The following CSMD1 variants were observed in gnomAD, a reference collection of about 807,000 sequenced individuals.
CSMD1 encodes CUB and sushi domain-containing protein 1.
A neutral mutation model predicts 417.5 loss-of-function variants in CSMD1; 213 were observed. The observed-to-expected ratio is 0.51, with a 90% CI of 0.46 to 0.57. The LOEUF (loss-of-function observed/expected upper bound fraction) is 0.57. CSMD1 is among the 20% of genes least tolerant of loss of function. The pLI, the probability that CSMD1 is intolerant of heterozygous loss-of-function variation, is 0.00. For synonymous variants in CSMD1, 2,862 were observed against 1,736.8 expected, an observed-to-expected ratio of 1.65 and a Z score of -16.11; for missense variants, 6,923 against 4,529.7, an observed-to-expected ratio of 1.53 and a Z score of -15.17.
chr8:4,097,219 G>C (rs1047359025), intron 3 of CSMD1, among the ~76,000 whole-genome samples: 3 of 152,144 alleles, frequency 2.0e-5, no homozygotes, highest in African/African-American at 7.2e-5. Flanking sequence ...TAGCTTGGAA[G>C]GAGATAAGTC....
intron 5 of CSMD1, among the ~76,000 whole-genome samples, chr8:3,987,249 C>T (rs887220309): frequency 6.6e-6 from 1 of 152,216 alleles, no homozygotes; most frequent in Admixed American, 6.5e-5. Flanking sequence ...GCTTCCCATG[C>T]TCAAAGGCTA....
At chr8:4,468,174 C>G (rs919143600) in intron 2 of CSMD1, among the ~76,000 whole-genome samples, 1 of 152,158 alleles carries the variant, frequency 6.6e-6, no homozygotes. Context: ...GCTCTAACAG[C>G]ACTTGTCACG....
At chr8:2,997,560 AG>A (rs1226539495) in intron 54 of CSMD1, among the ~76,000 whole-genome samples, 2 of 152,254 alleles carry the variant, frequency 1.3e-5, no homozygotes, top group Non-Finnish European at 2.9e-5. Flanking sequence ...AATGCAAAAA[AG>A]AACACAATTT....
intron 5 of CSMD1, among the ~76,000 whole-genome samples, chr8:3,856,119 G>A (rs1482310235): frequency 2.6e-5 from 4 of 152,060 alleles, no homozygotes; most frequent in Non-Finnish European, 4.4e-5. Flanking sequence ...TCCCAGTGCT[G>A]GAGACGGGGC....
At chr8:3,286,870 T>G (rs1330394346) in intron 25 of CSMD1, among the ~76,000 whole-genome samples, 3 of 152,206 alleles carry the variant, frequency 2.0e-5, no homozygotes, top group Non-Finnish European at 2.9e-5. Context: ...GCCATTGCTT[T>G]TGGTGTTTTA....
chr8:4,209,338 G>C (rs576965889), intron 3 of CSMD1, among the ~76,000 whole-genome samples: 2 of 152,138 alleles, frequency 1.3e-5, no homozygotes, highest in Non-Finnish European at 2.9e-5. Flanking sequence ...CAAACTCACA[G>C]GGACAGAAAG....
intron 1 of CSMD1, among the ~76,000 whole-genome samples, chr8:4,759,723 G>A (rs559405938): frequency 2.0e-5 from 3 of 152,108 alleles, no homozygotes; most frequent in Non-Finnish European, 4.4e-5. Flanking sequence ...CTCTATCCAT[G>A]TTCCTGAAAA....
intron 7 of CSMD1, among the ~76,000 whole-genome samples, chr8:3,675,119 C>T (rs1245430184): frequency 6.6e-6 from 1 of 152,186 alleles, no homozygotes; most frequent in Non-Finnish European, 1.5e-5. Context: ...GTGGCCTCCC[C>T]TCACCACTTT....
chr8:4,047,032 G>C (rs923044213), intron 3 of CSMD1, among the ~76,000 whole-genome samples: 21 of 152,140 alleles, frequency 1.4e-4, no homozygotes, highest in African/African-American at 4.8e-4. Context: ...GTGACATAGA[G>C]GGAACACCTG....
At chr8:3,092,985 T>G (rs751647787) in intron 47 of CSMD1, among the ~76,000 whole-genome samples, 1 of 152,202 alleles carries the variant, frequency 6.6e-6, no homozygotes, top group Non-Finnish European at 1.5e-5. Context: ...TGTGCAAAGA[T>G]ACTGAGAAAC....
At chr8:3,874,916 C>A (rs13261072) in intron 5 of CSMD1, among the ~76,000 whole-genome samples, 9 of 152,032 alleles carry the variant, frequency 5.9e-5, no homozygotes, top group Admixed American at 1.3e-4. Context: ...TTGAATAAGA[C>A]TTGGGGAAGA....
chr8:4,697,031 G>A (rs991180606), intron 1 of CSMD1, among the ~76,000 whole-genome samples: 2 of 152,032 alleles, frequency 1.3e-5, no homozygotes, highest in Non-Finnish European at 2.9e-5. Context: ...AATTATCTGG[G>A]CGTGGTGGTG....
At chr8:3,941,324 C>T (rs956577054) in intron 5 of CSMD1, among the ~76,000 whole-genome samples, 7 of 152,184 alleles carry the variant, frequency 4.6e-5, no homozygotes, top group Admixed American at 2.0e-4. Flanking sequence ...CATCCTATGC[C>T]ATTTACAACT....
intron 8 of CSMD1, among the ~76,000 whole-genome samples, chr8:3,595,966 G>C (rs572784722): frequency 6.6e-6 from 1 of 152,182 alleles, no homozygotes; most frequent in African/African-American, 2.4e-5. Context: ...GTGTCTCCCT[G>C]AGATCCAAGG....
At chr8:4,107,401 C>G (rs1039503462) in intron 3 of CSMD1, among the ~76,000 whole-genome samples, 2 of 152,188 alleles carry the variant, frequency 1.3e-5, no homozygotes, top group Non-Finnish European at 2.9e-5. Context: ...ATCACTCGCT[C>G]CACAGCAGAA....
intron 1 of CSMD1, among the ~76,000 whole-genome samples, chr8:4,977,169 C>G (rs751154894): frequency 5.9e-5 from 9 of 152,086 alleles, no homozygotes; most frequent in Admixed American, 2.6e-4. Flanking sequence ...TGAACTTTTC[C>G]TTGTTAACTA....
At chr8:4,369,838 G>C (rs763679891) in intron 3 of CSMD1, among the ~76,000 whole-genome samples, 3 of 152,100 alleles carry the variant, frequency 2.0e-5, no homozygotes, top group Admixed American at 2.0e-4. Flanking sequence ...TTACTTGTAA[G>C]ACGAGTATCT....
chr8:3,179,663 G>A (rs1353973851), intron 37 of CSMD1, among the ~76,000 whole-genome samples: 1 of 152,146 alleles, frequency 6.6e-6, no homozygotes, highest in Non-Finnish European at 1.5e-5. Context: ...ATAACTTTGA[G>A]AATGATAAGA....
intron 30 of CSMD1, among the ~76,000 whole-genome samples, chr8:3,206,632 G>C (rs1160314890): frequency 7.0e-6 from 1 of 141,972 alleles, no homozygotes; most frequent in East Asian, 2.2e-4. Flanking sequence ...GTGGGGTTAT[G>C]TCTGTGTGTG....
Sources: allele counts gnomAD v4.1 joint callset (sites outside exome capture counted in the v4.1 genomes callset), GRCh38; gene constraint gnomAD v4.1.1; transcripts MANE v1.5; gene names NCBI Gene and HGNC (gene_info 2026-07-23, HGNC 2026-07-21).